PTBP3: variants seen among roughly 807,000 people sequenced by gnomAD.
PTBP3 encodes the protein polypyrimidine tract-binding protein 3.
Under a neutral mutation model 58.7 loss-of-function variants are expected in PTBP3, and 20 were observed. That is an observed-to-expected ratio of 0.34 (90% CI 0.24 to 0.50). The LOEUF is 0.50. Ranked by LOEUF, PTBP3 falls within the 20% of genes least tolerant of loss-of-function variation. The pLI is 0.98. For synonymous variants in PTBP3, 185 were observed against 219.8 expected (o/e 0.84, Z 1.40); for missense variants, 509 against 637.2 (o/e 0.80, Z 2.17).
intron 4 of PTBP3, among the ~76,000 whole-genome samples, chr9:112,265,911 G>A (rs958726628): frequency 1.3e-5 from 2 of 152,054 alleles, no homozygotes; most frequent in African/African-American, 4.8e-5. Flanking sequence ...ATAGAAATAA[G>A]AACAACTACA....
chr9:112,351,580 G>A, the PTBP3 span, among the ~76,000 whole-genome samples: 2,519 of 152,302 alleles, frequency 0.017, 32 homozygotes, highest in East Asian at 0.041. Flanking sequence ...CTACTTCCTT[G>A]AGTAAGCAGT....
At chr9:112,322,127 T>C (rs1587890532) in intron 1 of PTBP3, among the ~76,000 whole-genome samples, 1 of 72,582 alleles carries the variant, frequency 1.4e-5, no homozygotes, top group East Asian at 4.5e-4. Context: ...AGAGCGAGAC[T>C]CCATCTCAAA....
At chr9:112,299,706 G>A (rs1480768928) in intron 1 of PTBP3, among the ~76,000 whole-genome samples, 1 of 152,210 alleles carries the variant, frequency 6.6e-6, no homozygotes, top group Non-Finnish European at 1.5e-5. Context: ...AGTGGGAAGA[G>A]TATAACTCCC....
chr9:112,331,646 G>A (rs993919697), intron 1 of PTBP3, among the ~76,000 whole-genome samples: 1 of 152,162 alleles, frequency 6.6e-6, no homozygotes. Context: ...TATGGTTATT[G>A]GTTCTGATAC....
At chr9:112,321,013 A>G (rs974537871) in intron 1 of PTBP3, among the ~76,000 whole-genome samples, 2 of 152,234 alleles carry the variant, frequency 1.3e-5, no homozygotes, top group African/African-American at 4.8e-5. Context: ...AGGAAAAGAA[A>G]TTAAATGTAT....
In PTBP3 at chr9:112,220,269, C is replaced by T. The variant is rs7869523; in HGVS notation, c.*3582G>A. ...ACTGCTGACTGATGGCACGGAGACACTGAAAAGAACAGAGAGCCAGGCGTG... is the reference window on the plus strand; with the variant it reads ...ACTGCTGACTGATGGCACGGAGACATTGAAAAGAACAGAGAGCCAGGCGTG... On this transcript the variant is annotated 3_prime_UTR_variant, in exon 14 of 14. Coordinates refer to ENST00000374257, the MANE Select transcript of PTBP3 (RefSeq NM_001163788.4). 657,738 of 1,333,530 alleles carry T rather than the reference C, an allele frequency of 0.49. 166,762 individuals are homozygous for T. Among genetic ancestry groups the T allele is most frequent in the African/African-American group, 0.81 (54,312 of 67,434 alleles). The allele number at this position is 1,333,530 out of a possible 1,614,324, so 82.6% of individuals were successfully genotyped here.
chr9:112,369,253 T>C, the PTBP3 span, among the ~76,000 whole-genome samples: 1 of 152,124 alleles, frequency 6.6e-6, no homozygotes, highest in East Asian at 1.9e-4. Flanking sequence ...ATCCTCCAGG[T>C]CCTAGAATGA....
chr9:112,264,991 A>C (rs1472891352), intron 4 of PTBP3, among the ~76,000 whole-genome samples: 2 of 152,232 alleles, frequency 1.3e-5, no homozygotes, highest in Admixed American at 1.3e-4. Context: ...AACAAACAAA[A>C]TATAACTTTC....
intron 1 of PTBP3, among the ~76,000 whole-genome samples, chr9:112,305,800 C>T (rs1048510813): frequency 2.0e-5 from 3 of 152,020 alleles, no homozygotes; most frequent in Admixed American, 2.0e-4. Flanking sequence ...ATGAGCCGGG[C>T]GTGGTGACGG....
At chr9:112,365,561 TG>T in the PTBP3 span, among the ~76,000 whole-genome samples, 7 of 152,192 alleles carry the variant, frequency 4.6e-5, no homozygotes, top group Non-Finnish European at 7.3e-5. Flanking sequence ...TTTTGTAAAT[TG>T]TCCAGTCTTG....
chr9:112,308,542 A>G (rs1009877805), intron 1 of PTBP3, among the ~76,000 whole-genome samples: 1 of 152,076 alleles, frequency 6.6e-6, no homozygotes, highest in Admixed American at 6.6e-5. Flanking sequence ...GACTGCTATG[A>G]TAACAGATTA....
chr9:112,297,634 C>T (rs1239146876), intron 2 of PTBP3, among the ~76,000 whole-genome samples, 198 bp downstream of exon 2: 2 of 152,072 alleles, frequency 1.3e-5, no homozygotes, highest in African/African-American at 4.8e-5. Flanking sequence ...AAATTAGATC[C>T]AAATGAATCC....
intron 1 of PTBP3, among the ~76,000 whole-genome samples, chr9:112,317,016 A>G (rs924612921): frequency 2.0e-5 from 3 of 151,664 alleles, no homozygotes; most frequent in African/African-American, 7.3e-5. Context: ...ACAGTGGCTC[A>G]CGCCTGTAAT....
chr9:112,336,657 C>G (rs1174585403), upstream of PTBP3, among the ~76,000 whole-genome samples: 1 of 149,638 alleles, frequency 6.7e-6, no homozygotes, highest in Non-Finnish European at 1.5e-5. Context: ...AAAGTTATGT[C>G]TCTCTTACCC....
At chr9:112,237,140 C>T (rs1429235188) in intron 7 of PTBP3, among the ~76,000 whole-genome samples, 3 of 152,164 alleles carry the variant, frequency 2.0e-5, no homozygotes, top group Non-Finnish European at 2.9e-5. Context: ...GGCAAACAAT[C>T]ATCAAGACCA....
chr9:112,285,566 A>G (rs1037957612), intron 2 of PTBP3, among the ~76,000 whole-genome samples: 1 of 152,212 alleles, frequency 6.6e-6, no homozygotes, highest in African/African-American at 2.4e-5. Context: ...AAGGGGCACA[A>G]AAATATTTCA....
At chr9:112,259,235 G>A (rs1025183563) in intron 5 of PTBP3, among the ~76,000 whole-genome samples, 1 of 152,148 alleles carries the variant, frequency 6.6e-6, no homozygotes, top group African/African-American at 2.4e-5. Context: ...TTACAGGCGT[G>A]AGCCACCACA....
At chr9:112,260,651 G>A (rs12344787) in intron 5 of PTBP3, among the ~76,000 whole-genome samples, 3,438 of 152,280 alleles carry the variant, frequency 0.023, 64 homozygotes, top group Middle Eastern at 0.034. Flanking sequence ...GGGAGGTAGG[G>A]AGAGAGAGAC....
intron 1 of PTBP3, among the ~76,000 whole-genome samples, chr9:112,302,338 G>A (rs913870535): frequency 2.0e-5 from 3 of 152,154 alleles, no homozygotes; most frequent in Non-Finnish European, 4.4e-5. Flanking sequence ...TATCTTGAAA[G>A]TCAAACATTT....
Sources: gnomAD v4.1 joint callset for allele counts (sites outside exome capture counted in the v4.1 genomes callset) on GRCh38, gnomAD v4.1.1 for gene constraint, MANE v1.5 for transcripts, NCBI Gene and HGNC (gene_info 2026-07-23, HGNC 2026-07-21) for gene names.